Variants in SP140 observed in about 807,000 individuals in gnomAD.
SP140 encodes SP140 nuclear body protein.
SP140 carries 81 observed loss-of-function variants against 125.0 expected under a neutral mutation model. That is an observed-to-expected ratio of 0.65 (90% CI 0.54 to 0.78). The LOEUF (loss-of-function observed/expected upper bound fraction) is 0.78. SP140 is among the 30% of genes least tolerant of loss of function. The probability of loss-of-function intolerance (pLI) is 0.00; values close to 1 mark genes in which losing one functional copy is unlikely to be tolerated. For missense variants in SP140, 858 were observed against 1,037.0 expected (o/e 0.83, Z 2.37); for synonymous variants, 312 against 354.0 (o/e 0.88, Z 1.33).
chr2:230,274,667 C>A (rs4973305), intron 15 of SP140, among the ~76,000 whole-genome samples: 103 of 152,022 alleles, frequency 6.8e-4, no homozygotes, highest in African/African-American at 2.4e-3. Flanking sequence ...AGCAGCAATA[C>A]CTTTTGTAAG....
intron 12 of SP140, among the ~76,000 whole-genome samples, chr2:230,262,223 C>G (rs2052385044): frequency 6.6e-6 from 1 of 152,096 alleles, no homozygotes; most frequent in Non-Finnish European, 1.5e-5. Context: ...TCTATGTTTT[C>G]TAGTTTATGT....
intron 15 of SP140, among the ~76,000 whole-genome samples, chr2:230,283,954 A>G (rs1237198711): frequency 2.6e-5 from 4 of 152,248 alleles, no homozygotes; most frequent in African/African-American, 7.2e-5. Context: ...CCAATTTCCA[A>G]CACAGAATAT....
At chr2:230,240,956 A>G (rs912266555) in intron 3 of SP140, among the ~76,000 whole-genome samples, 2 of 152,342 alleles carry the variant, frequency 1.3e-5, no homozygotes, top group African/African-American at 4.8e-5. Flanking sequence ...AGAGTATAAT[A>G]CTATTCAGCA....
chr2:230,283,347 C>T (rs2055887144), intron 15 of SP140, among the ~76,000 whole-genome samples: 1 of 152,196 alleles, frequency 6.6e-6, no homozygotes, highest in South Asian at 2.1e-4. Flanking sequence ...CCCTAATTAT[C>T]TCCTTTTCTC....
chr2:230,239,200 A>T, intron 3 of SP140: 1 of 390,542 alleles, frequency 2.6e-6, no homozygotes, highest in Non-Finnish European at 4.0e-6. Flanking sequence ...GTCTAGAGGA[A>T]GTCAAATACT....
chr2:230,268,092 G>A (rs542554964), intron 12 of SP140, among the ~76,000 whole-genome samples: 1 of 152,260 alleles, frequency 6.6e-6, no homozygotes, highest in East Asian at 1.9e-4. Flanking sequence ...CATGAAATAA[G>A]ACTTTTTGTT....
intron 15 of SP140, among the ~76,000 whole-genome samples, chr2:230,274,299 A>G (rs1036396708): frequency 2.0e-5 from 3 of 152,160 alleles, no homozygotes; most frequent in East Asian, 3.9e-4. Flanking sequence ...GTTACTTTAC[A>G]TGGCAGAAGG....
chr2:230,229,941 T>G (rs2047011008), intron 1 of SP140, among the ~76,000 whole-genome samples: 1 of 152,114 alleles, frequency 6.6e-6, no homozygotes, highest in Non-Finnish European at 1.5e-5. Flanking sequence ...GTTTTTTGTT[T>G]TTTTTCCCTA....
chr2:230,255,043 T>C (rs189054475), intron 11 of SP140, among the ~76,000 whole-genome samples: 12 of 152,078 alleles, frequency 7.9e-5, no homozygotes, highest in Non-Finnish European at 1.6e-4. Flanking sequence ...ATAAACAAGA[T>C]GGGGAAAGCT....
intron 22 of SP140, 55 bp downstream of exon 22, chr2:230,297,517 C>CAT: frequency 6.3e-7 from 1 of 1,587,516 alleles, no homozygotes; most frequent in Admixed American, 1.7e-5. Context: ...TTTCTCCAGG[C>CAT]ATATGTTCTG....
chr2:230,285,797 C>A lies in SP140; in HGVS notation c.1610C>A (p.Ala537Glu). The A allele has an allele frequency of 6.2e-7, 1 of 1,613,630 alleles. No homozygotes were observed. Among genetic ancestry groups the A allele is most frequent in the Non-Finnish European group, 8.5e-7 (1 of 1,179,676 alleles). ...CAGGTGGTCTCCAGTGAAAAGAAGG[C>A]GAACGTGAATCTGAAAGACCTTTCC... The part of the protein sequence containing the change: ...DGQVVSSEKK[A>E]NVNLKDLSKI... The change falls in exon 17 of 27, where the codon GCG becomes GAG. Residue 537 changes from alanine (A) to glutamate (E), a missense_variant. Around this residue, in one of 4 missense-constraint regions of SP140, gnomAD observed 791 missense variants for 869.5 expected, o/e 0.91. Coordinates refer to ENST00000392045, the MANE Select transcript of SP140 (RefSeq NM_007237.5).
the SP140 span, among the ~76,000 whole-genome samples, chr2:230,194,902 C>T: frequency 2.0e-5 from 3 of 152,092 alleles, no homozygotes; most frequent in East Asian, 5.8e-4. Context: ...GTTGGGGAGT[C>T]TACTGATGGG....
chr2:230,254,849 A>G lies in SP140; in HGVS notation c.1160-603A>G, dbSNP rs578037370. Among the ~76,000 whole-genome samples the G allele has an allele frequency of 7.9e-3, 1,200 of 152,222 alleles. 9 individuals carry two copies. Among genetic ancestry groups the G allele is most frequent in the South Asian group, 0.018 (85 of 4,818 alleles). The stretch of plus-strand genomic sequence containing the variant: ...CTCATCTCTACTAATGGCATCAATC[A>G]TTTCAGGAGCTGCAATGATCTGATC... On this transcript the variant is annotated intron_variant, in intron 11 of 26. Coordinates refer to ENST00000392045, the MANE Select transcript of SP140 (RefSeq NM_007237.5).
intron 12 of SP140, among the ~76,000 whole-genome samples, chr2:230,257,437 G>A (rs1394369555): frequency 2.0e-5 from 3 of 152,080 alleles, no homozygotes; most frequent in South Asian, 2.1e-4. Context: ...CATAGATGCC[G>A]TCATAGAGTA....
chr2:230,287,987 G>A (rs768368823), intron 18 of SP140, 21 bp downstream of exon 18: 1 of 1,590,152 alleles, frequency 6.3e-7, no homozygotes, highest in Admixed American at 1.7e-5. Context: ...AAACAGGAAT[G>A]AACTTTCAAT....
chr2:230,245,252 A>C (rs562627706), intron 6 of SP140, among the ~76,000 whole-genome samples, 172 bp downstream of exon 6: 46 of 152,186 alleles, frequency 3.0e-4, no homozygotes, highest in African/African-American at 9.9e-4. Context: ...TAAGTCCTTT[A>C]GTGGAGGGGC....
rs1289781570 is a variant in SP140 at position 230,287,960 on chromosome 2, T to C, written c.1714T>C (p.Ser572Pro). ...SDRAAQKRVR[S>P]RASRKHKDET... ...CAGAGCTGCACAGAAAAGAGTCCGA[T>C]CAAGAGGTAAAAAAGAAAACAGGAA... Residue 572 changes from serine (S) to proline (P), a missense_variant, in exon 18 of 27, where the codon TCA becomes CCA. Coordinates refer to ENST00000392045, the MANE Select transcript of SP140 (RefSeq NM_007237.5). 5 of 1,610,926 alleles carry C rather than the reference T, an allele frequency of 3.1e-6. No homozygotes were observed. The highest frequency in any genetic ancestry group is 1.3e-5 in the African/African-American group (1 of 74,734).
chr2:230,235,868 G>GTTTTTTTTTTTTTTTTTTTTTTTTT (rs984054259), intron 1 of SP140, among the ~76,000 whole-genome samples: 1 of 77,982 alleles, frequency 1.3e-5, no homozygotes, highest in Non-Finnish European at 2.3e-5. Context: ...TCTTGTGACT[G>GTTTTTTTTTTTTTTTTTTTTTTTTT]TTTTTTTTTT....
chr2:230,208,355 A>C (rs540149213), intron 1 of SP140, among the ~76,000 whole-genome samples: 1 of 152,358 alleles, frequency 6.6e-6, no homozygotes, highest in South Asian at 2.1e-4. Flanking sequence ...ATCAAGAAAA[A>C]GCATTTTTTA....
Sources: gnomAD v4.1 joint callset for allele counts (sites outside exome capture counted in the v4.1 genomes callset) on GRCh38, gnomAD v4.1.1 for gene constraint, gnomAD v4.1.1 regional missense constraint, MANE v1.5 for transcripts, NCBI Gene and HGNC (gene_info 2026-07-23, HGNC 2026-07-21) for gene names.